The following SPAG16 variants were observed in gnomAD, a reference collection of about 807,000 sequenced individuals.
The protein encoded by SPAG16 is sperm associated antigen 16.
In SPAG16, 86 loss-of-function variants were observed where a neutral mutation model predicts 80.4. That is an observed-to-expected ratio of 1.07 (90% CI 0.90 to 1.28). The LOEUF (loss-of-function observed/expected upper bound fraction) is 1.28. Ranked by LOEUF, SPAG16 falls within the 50% of genes most tolerant of loss-of-function variation. SPAG16 has a pLI of 0.00. For missense variants in SPAG16, 870 were observed against 765.3 expected, an observed-to-expected ratio of 1.14 and a Z score of -1.61; for synonymous variants, 294 against 265.9, an observed-to-expected ratio of 1.11 and a Z score of -1.03.
intron 11 of SPAG16, among the ~76,000 whole-genome samples, chr2:213,878,815 G>A (rs2076236969): frequency 6.6e-6 from 1 of 152,010 alleles, no homozygotes; most frequent in African/African-American, 2.4e-5. Context: ...ATCTTAAGTT[G>A]ATTTTTGTAT....
At chr2:214,323,426 AG>A (rs1267607388) in intron 15 of SPAG16, among the ~76,000 whole-genome samples, 4 of 152,156 alleles carry the variant, frequency 2.6e-5, no homozygotes, top group Non-Finnish European at 5.9e-5. Context: ...ATCAAGTATT[AG>A]GTCATATTTA....
At chr2:214,267,108 C>A (rs1483679404) in intron 15 of SPAG16, among the ~76,000 whole-genome samples, 1 of 150,534 alleles carries the variant, frequency 6.6e-6, no homozygotes, top group African/African-American at 2.4e-5. Flanking sequence ...TATGGAACTA[C>A]AAAAAATCCT....
chr2:214,164,547 C>G (rs2056573219), intron 15 of SPAG16, among the ~76,000 whole-genome samples: 1 of 152,044 alleles, frequency 6.6e-6, no homozygotes, highest in Admixed American at 6.6e-5. Context: ...AAAGTGTTAG[C>G]CAAGGGCAGA....
At chr2:213,865,360 A>G (rs543371452) in intron 11 of SPAG16, among the ~76,000 whole-genome samples, 129 of 152,076 alleles carry the variant, frequency 8.5e-4, no homozygotes, top group African/African-American at 3.0e-3. Context: ...TTTAAGACAC[A>G]TGTAAATGAA....
intron 10 of SPAG16, among the ~76,000 whole-genome samples, chr2:213,697,076 G>A (rs913021460): frequency 3.3e-5 from 5 of 152,134 alleles, no homozygotes; most frequent in Admixed American, 6.5e-5. Flanking sequence ...GAACTTTGAC[G>A]TGAGCAGGGA....
intron 10 of SPAG16, among the ~76,000 whole-genome samples, chr2:213,525,288 T>C (rs893859043): frequency 1.6e-4 from 23 of 141,024 alleles, no homozygotes; most frequent in Non-Finnish European, 2.6e-4. Flanking sequence ...CCTTTTCTTT[T>C]TTTTTTTTTT....
chr2:213,942,205 A>G (rs1461543391), intron 12 of SPAG16, among the ~76,000 whole-genome samples: 2 of 152,114 alleles, frequency 1.3e-5, no homozygotes, highest in Non-Finnish European at 2.9e-5. Context: ...TGCTTTGCCT[A>G]CATCTGTTCA....
intron 10 of SPAG16, among the ~76,000 whole-genome samples, chr2:213,756,951 G>C (rs1471068579): frequency 2.6e-5 from 4 of 152,120 alleles, no homozygotes; most frequent in Non-Finnish European, 5.9e-5. Flanking sequence ...ATAGAGCAAA[G>C]AGGGAATAAA....
At chr2:214,279,748 A>T (rs1299028953) in intron 15 of SPAG16, among the ~76,000 whole-genome samples, 1 of 152,212 alleles carries the variant, frequency 6.6e-6, no homozygotes, top group Non-Finnish European at 1.5e-5. Context: ...TACATGAAAC[A>T]TTGACCAAGA....
At chr2:213,916,016 C>T (rs2077946146) in intron 11 of SPAG16, among the ~76,000 whole-genome samples, 1 of 152,038 alleles carries the variant, frequency 6.6e-6, no homozygotes, top group African/African-American at 2.4e-5. Flanking sequence ...GATATTAATC[C>T]TTTGTCAGAT....
In SPAG16 at chr2:213,595,063, C is replaced by T. The variant is rs184361712; in HGVS notation, c.1070+104973C>T. 2.1e-4 allele frequency among the ~76,000 whole-genome samples: 32 copies of T among 151,330 alleles called. No individual in the cohort carries two copies. The East Asian group carries it at 4.1e-3, about 19-fold the overall frequency. ...ATGTTTTACACATTATGAATGTAAC[C>T]GTAGCATTCAATAGGTATACTAGAT... On this transcript the variant is annotated intron_variant, in intron 10 of 15. Transcript: ENST00000331683.
At chr2:213,915,863 AATG>A (rs984419228) in intron 11 of SPAG16, among the ~76,000 whole-genome samples, 9 of 152,036 alleles carry the variant, frequency 5.9e-5, no homozygotes, top group African/African-American at 2.2e-4. Flanking sequence ...GCATTTCTCT[AATG>A]ACCAGTGATG....
At chr2:214,226,459 G>T (rs1419978277) in intron 15 of SPAG16, among the ~76,000 whole-genome samples, 1 of 152,040 alleles carries the variant, frequency 6.6e-6, no homozygotes, top group East Asian at 1.9e-4. Flanking sequence ...ACTTTAAAGA[G>T]CAAACAAAAC....
chr2:214,142,859 A>G (rs543561130), intron 14 of SPAG16, among the ~76,000 whole-genome samples: 1 of 152,300 alleles, frequency 6.6e-6, no homozygotes, highest in South Asian at 2.1e-4. Context: ...CTTCCATCTG[A>G]CACAAAGCTC....
chr2:214,196,420 T>G (rs767888227), intron 15 of SPAG16, among the ~76,000 whole-genome samples: 1 of 152,048 alleles, frequency 6.6e-6, no homozygotes, highest in Non-Finnish European at 1.5e-5. Flanking sequence ...TACCCTAAGA[T>G]AGTAGACACA....
intron 15 of SPAG16, among the ~76,000 whole-genome samples, chr2:214,166,422 C>G (rs1171333084): frequency 1.3e-5 from 2 of 152,164 alleles, no homozygotes; most frequent in African/African-American, 4.8e-5. Flanking sequence ...CGCCCCCGGG[C>G]TCGGGTGCAC....
intron 10 of SPAG16, among the ~76,000 whole-genome samples, chr2:213,664,043 T>C (rs2063515314): frequency 6.6e-6 from 1 of 152,098 alleles, no homozygotes; most frequent in Non-Finnish European, 1.5e-5. Flanking sequence ...TAGTTTCTTC[T>C]GGAGACTCTA....
At chr2:213,913,670 CAT>C (rs2077807732) in intron 11 of SPAG16, among the ~76,000 whole-genome samples, 1 of 64,808 alleles carries the variant, frequency 1.5e-5, no homozygotes, top group African/African-American at 4.1e-5. Flanking sequence ...TGTATATGTA[CAT>C]ATGGATATAT....
intron 10 of SPAG16, among the ~76,000 whole-genome samples, chr2:213,635,181 C>G (rs2062314233): frequency 6.6e-6 from 1 of 151,704 alleles, no homozygotes; most frequent in East Asian, 1.9e-4. Context: ...AATACAGGTG[C>G]CCGCCACCAT....
Sources: allele counts gnomAD v4.1 joint callset (sites outside exome capture counted in the v4.1 genomes callset), GRCh38; gene constraint gnomAD v4.1.1; transcripts MANE v1.5; gene names NCBI Gene and HGNC (gene_info 2026-07-23, HGNC 2026-07-21).